Variants in PDE8B observed in about 807,000 individuals in gnomAD.
The protein encoded by PDE8B is phosphodiesterase 8B.
Under a neutral mutation model 101.3 loss-of-function variants are expected in PDE8B, and 26 were observed. That is an observed-to-expected ratio of 0.26 (90% confidence interval 0.19 to 0.36). The LOEUF (loss-of-function observed/expected upper bound fraction) is 0.36, where lower values mean the gene tolerates loss of function less well. Ranked by LOEUF, PDE8B falls within the 10% of genes least tolerant of loss-of-function variation. The pLI, the probability that PDE8B is intolerant of heterozygous loss-of-function variation, is 1.00. For synonymous variants in PDE8B, 424 were observed against 429.3 expected (o/e 0.99, Z 0.15); for missense variants, 810 against 1,163.1 (o/e 0.70, Z 4.42).
chr5:77,348,227 A>G (rs1235357335), intron 7 of PDE8B, among the ~76,000 whole-genome samples: 1 of 152,200 alleles, frequency 6.6e-6, no homozygotes, highest in African/African-American at 2.4e-5. Context: ...TCTCCGAAGC[A>G]GCAGATGGAT....
At chr5:77,405,431 A>G (rs1220655947) in intron 12 of PDE8B, among the ~76,000 whole-genome samples, 1 of 152,214 alleles carries the variant, frequency 6.6e-6, no homozygotes, top group Admixed American at 6.5e-5. Context: ...GTTGGGGGTT[A>G]AGGAGAAGAT....
At chr5:77,353,854 C>G (rs1244130085) in intron 10 of PDE8B, among the ~76,000 whole-genome samples, 1 of 152,162 alleles carries the variant, frequency 6.6e-6, no homozygotes, top group African/African-American at 2.4e-5. Context: ...ATGTTATCAT[C>G]TGCAGTAACA....
the PDE8B span, among the ~76,000 whole-genome samples, chr5:77,152,428 G>T: frequency 6.6e-6 from 1 of 152,236 alleles, no homozygotes; most frequent in Non-Finnish European, 1.5e-5. Context: ...ATTACGCTGT[G>T]CACAATGGAC....
chr5:77,088,238 G>C, the PDE8B span: 1 of 152,540 alleles, frequency 6.6e-6, no homozygotes, highest in Non-Finnish European at 1.5e-5. Flanking sequence ...GGGGCGCTGG[G>C]CTTCCAGCCC....
chr5:77,246,173 C>T (rs1021817139), intron 1 of PDE8B, among the ~76,000 whole-genome samples: 5 of 151,962 alleles, frequency 3.3e-5, no homozygotes, highest in Non-Finnish European at 5.9e-5. Flanking sequence ...TATTTTTCCT[C>T]CTCAATTGGT....
At chr5:77,374,792 C>G (rs981408092) in intron 10 of PDE8B, among the ~76,000 whole-genome samples, 6 of 152,198 alleles carry the variant, frequency 3.9e-5, no homozygotes, top group African/African-American at 1.4e-4. Flanking sequence ...GAATCTTGAG[C>G]ACTGAAGATC....
chr5:77,164,400 C>A, the PDE8B span, among the ~76,000 whole-genome samples: 4,469 of 152,198 alleles, frequency 0.029, 113 homozygotes, highest in Non-Finnish European at 0.042. Context: ...ACTAAGAATT[C>A]TTTTAAGGAT....
the PDE8B span, among the ~76,000 whole-genome samples, chr5:77,108,925 G>A: frequency 6.6e-6 from 1 of 152,086 alleles, no homozygotes; most frequent in South Asian, 2.1e-4. Context: ...TTTGCTCCAG[G>A]GGTTGGTATG....
At chr5:77,295,161 A>G (rs1040896626) in intron 1 of PDE8B, among the ~76,000 whole-genome samples, 1 of 152,248 alleles carries the variant, frequency 6.6e-6, no homozygotes, top group Non-Finnish European at 1.5e-5. Context: ...ATACTGGAGA[A>G]GATATGTTAA....
intron 1 of PDE8B, among the ~76,000 whole-genome samples, chr5:77,215,662 C>T (rs1036793691): frequency 5.9e-5 from 9 of 152,280 alleles, no homozygotes; most frequent in African/African-American, 1.7e-4. Flanking sequence ...ATGGCCTGGG[C>T]GCCAGCAGGA....
At chr5:77,297,135 G>A (rs932601532) in intron 1 of PDE8B, among the ~76,000 whole-genome samples, 1 of 152,112 alleles carries the variant, frequency 6.6e-6, no homozygotes, top group African/African-American at 2.4e-5. Flanking sequence ...GAAAGCAAGC[G>A]GAATTCATCC....
intron 1 of PDE8B, among the ~76,000 whole-genome samples, chr5:77,243,751 G>C (rs760632269): frequency 9.2e-5 from 14 of 152,112 alleles, no homozygotes; most frequent in Non-Finnish European, 1.9e-4. Flanking sequence ...TCATCAGTTG[G>C]TGGACATTTT....
chr5:77,241,140 T>A (rs566142308), intron 1 of PDE8B, among the ~76,000 whole-genome samples: 4,610 of 152,290 alleles, frequency 0.03, 225 homozygotes, highest in African/African-American at 0.1. Flanking sequence ...GAAGAGTGGC[T>A]TTTGAATAAA....
chr5:77,405,795 A>G (rs1009410864), intron 12 of PDE8B, among the ~76,000 whole-genome samples: 1 of 152,186 alleles, frequency 6.6e-6, no homozygotes, highest in African/African-American at 2.4e-5. Flanking sequence ...GAGAGCGGAC[A>G]ACAGACTAGT....
At position 77,211,010 on chromosome 5, in the gene PDE8B, A is replaced by C; in HGVS notation, c.85A>C (p.Thr29Pro). The C allele has an allele frequency of 6.5e-7, 1 of 1,549,134 alleles. No homozygotes were observed. The highest frequency in any genetic ancestry group is 8.6e-7 in the Non-Finnish European group (1 of 1,157,766). The change falls in exon 1 of 22, where the codon ACC becomes CCC. Residue 29 changes from threonine (T) to proline (P), a missense_variant. Coordinates refer to ENST00000264917, the MANE Select transcript of PDE8B (RefSeq NM_003719.5). This position sits in a 1 kb window ranked among gnomAD's most constrained non-coding sequence, Gnocchi z 4.1. ...DSDESSSPRQTTSVSQGPAAP... is the reference protein window; with the variant it reads ...DSDESSSPRQPTSVSQGPAAP... ...GGACGAGTCCAGCTCGCCCCGCCAG[A>C]CCACCAGCGTGTCGCAGGGCCCGGC...
the PDE8B span, among the ~76,000 whole-genome samples, chr5:77,158,491 G>A: frequency 6.6e-6 from 1 of 152,178 alleles, no homozygotes; most frequent in Non-Finnish European, 1.5e-5. Context: ...AGAGCAACTG[G>A]GAGGTCACTA....
chr5:77,343,952 C>T (rs567946929), intron 6 of PDE8B, among the ~76,000 whole-genome samples: 25 of 147,410 alleles, frequency 1.7e-4, no homozygotes, highest in African/African-American at 4.8e-4. Flanking sequence ...TACACAGAGT[C>T]AGGATCATCA....
chr5:77,242,332 A>G (rs1740367818), intron 1 of PDE8B, among the ~76,000 whole-genome samples: 1 of 152,208 alleles, frequency 6.6e-6, no homozygotes, highest in African/African-American at 2.4e-5. Context: ...ATCAGTAGCA[A>G]ACGTGCTTAA....
In PDE8B at chr5:77,351,059, A is replaced by G; in HGVS notation, c.1018-6A>G. ...AGGATTTTAAGAGCTCTCTTTGTCCATGTAGGAGTGGCAGGGGGTTTACTA... is the reference window on the plus strand; with the variant it reads ...AGGATTTTAAGAGCTCTCTTTGTCCGTGTAGGAGTGGCAGGGGGTTTACTA... On this transcript the variant is annotated splice_region_variant and splice_polypyrimidine_tract_variant and intron_variant, in intron 8 of 21. Coordinates refer to ENST00000264917, the MANE Select transcript of PDE8B (RefSeq NM_003719.5). 6.2e-7 allele frequency: 1 copy of G among 1,610,066 alleles called. No individual in the cohort carries two copies. The highest frequency in any genetic ancestry group is 1.3e-5 in the African/African-American group (1 of 74,990).
Sources: allele counts gnomAD v4.1 joint callset (sites outside exome capture counted in the v4.1 genomes callset), GRCh38; gene constraint gnomAD v4.1.1; non-coding constraint Gnocchi (gnomAD v3.1); transcripts MANE v1.5; gene names NCBI Gene and HGNC (gene_info 2026-07-23, HGNC 2026-07-21).